Variants in CHST13 observed in about 807,000 individuals in gnomAD.
The protein encoded by CHST13 is carbohydrate sulfotransferase 13, also known as C4ST-3.
A neutral mutation model predicts 7.0 loss-of-function variants in CHST13; 1 was observed. The ratio of observed to expected loss-of-function variants is 0.14; its 90% CI spans 0.05 to 0.68. CHST13 has a LOEUF of 0.68. CHST13 is among the 30% of genes least tolerant of loss of function. CHST13 has a pLI of 0.82. For synonymous variants in CHST13, 257 were observed against 240.9 expected (o/e 1.07, Z -0.62); for missense variants, 572 against 507.9 (o/e 1.13, Z -1.21).
chr3:126,540,017 T>C (rs1391320081), intron 2 of CHST13, among the ~76,000 whole-genome samples: 1 of 123,986 alleles, frequency 8.1e-6, no homozygotes, highest in Non-Finnish European at 1.7e-5. Flanking sequence ...CACACACGCA[T>C]GCCACACACA....
rs113367558 is a variant in CHST13, at chr3:126,530,565, C to T, written c.98-5706C>T. Among the ~76,000 whole-genome samples, 145 of 152,360 alleles carry T rather than the reference C, an allele frequency of 9.5e-4. 1 individual carries two copies. The highest frequency in any genetic ancestry group is 3.4e-3 in the African/African-American group (141 of 41,586). On this transcript the variant is annotated intron_variant, in intron 1 of 2. Transcript: ENST00000319340. ...GGGACACGTCTCATCTGCAACACGG[C>T]GAGAAGGCCTGGCCTCCTCTCATGG...
chr3:126,537,735 C>A (rs1419046657), intron 2 of CHST13, among the ~76,000 whole-genome samples: 1 of 150,794 alleles, frequency 6.6e-6, no homozygotes, highest in Non-Finnish European at 1.5e-5. Context: ...AGGCTTAGCA[C>A]CTTGCGGCTG....
Position 126,542,046 on chromosome 3 carries a change from G to A in CHST13, c.494G>A (p.Arg165His), listed in dbSNP as rs369350672. Residue 165 changes from arginine (R) to histidine (H), a missense_variant, in exon 3 of 3, where the codon CGC (arginine) becomes CAC (histidine). Coordinates refer to ENST00000319340, the MANE Select transcript of CHST13 (RefSeq NM_152889.3). ...FSPAEINRRL[R>H]AYLAFLFVRE... ...CCCGCCGAGATCAACCGGCGCCTGC[G>A]CGCCTACTTGGCCTTCCTGTTCGTG... 5.7e-6 allele frequency: 9 copies of A among 1,575,828 alleles called. No individual in the cohort carries two copies. Among genetic ancestry groups the A allele is most frequent in the Non-Finnish European group, 6.0e-6 (7 of 1,165,496 alleles).
intron 2 of CHST13, among the ~76,000 whole-genome samples, chr3:126,538,937 G>T (rs2107570499): frequency 6.6e-6 from 1 of 152,268 alleles, no homozygotes. Context: ...GTGAAGAGTA[G>T]GTCTCCTTGT....
At position 126,542,513 on chromosome 3, in the gene CHST13, G is replaced by T. The variant is rs766098235; in HGVS notation, c.961G>T (p.Asp321Tyr). The change falls in exon 3 of 3, where the codon GAC becomes TAC. Residue 321 changes from aspartate to tyrosine, a missense_variant. Coordinates refer to ENST00000319340, the MANE Select transcript of CHST13 (RefSeq NM_152889.3). ...CCCCTTCTACCAGCGGCGCCTCTTC[G>T]ACCTCTACAAGATGGACTTCCTGCT... ...ISPFYQRRLF[D>Y]LYKMDFLLFN... The T allele has an allele frequency of 6.4e-7, 1 of 1,566,536 alleles. No individual in the cohort carries two copies. Among genetic ancestry groups the T allele is most frequent in the Non-Finnish European group, 8.6e-7 (1 of 1,162,788 alleles).
chr3:126,538,911 C>T lies in CHST13; in HGVS notation c.180+2558C>T, dbSNP rs138037816. On this transcript the variant is annotated intron_variant, in intron 2 of 2. Coordinates refer to ENST00000319340, the MANE Select transcript of CHST13 (RefSeq NM_152889.3). ...GCACATGACATGGCATTTGACACTACAGAAGGGTAGACACAGTGAAGAGTA... is the reference window on the plus strand; with the variant it reads ...GCACATGACATGGCATTTGACACTATAGAAGGGTAGACACAGTGAAGAGTA... Among the ~76,000 whole-genome samples, 8 of 152,256 alleles carry T rather than the reference C, an allele frequency of 5.3e-5. No homozygotes were observed. In the East Asian group the frequency reaches 1.5e-3, roughly 29 times the overall value.
chr3:126,542,426 C>A lies in CHST13; in HGVS notation c.874C>A (p.Pro292Thr). 1 of 1,553,536 alleles carries A rather than the reference C, an allele frequency of 6.4e-7. No homozygotes were observed. The highest frequency in any genetic ancestry group is 1.9e-5 in the Admixed American group (1 of 51,706). ...GASDLSFPGP[P>T]RPRGAAASRD... ...ATCCGACCTGAGCTTCCCTGGGCCG[C>A]CGCGGCCCCGGGGAGCCGCCGCCTC... The change falls in exon 3 of 3, where the codon CCG (proline) becomes ACG (threonine). Residue 292 changes from proline (P) to threonine (T), a missense_variant. Coordinates refer to ENST00000319340, the MANE Select transcript of CHST13 (RefSeq NM_152889.3).
In CHST13 at chr3:126,542,182, G is replaced by A. The variant is rs1936975866; in HGVS notation, c.630G>A (p.Pro210=). 2.1e-6 allele frequency: 3 copies of A among 1,448,034 alleles called. No individual in the cohort carries two copies. Among genetic ancestry groups the A allele is most frequent in the East Asian group, 2.9e-5 (1 of 34,702 alleles). The allele number at this position is 1,448,034 out of a possible 1,614,324, so 89.7% of individuals were successfully genotyped here. A position where few individuals can be genotyped will look rare whatever the true frequency, so the allele number is the denominator to read the frequency against. Residue 210 remains proline, a synonymous_variant, in exon 3 of 3, where the codon CCG becomes CCA. Coordinates refer to ENST00000319340, the MANE Select transcript of CHST13 (RefSeq NM_152889.3). ...YGARIVQRLR[P]RALPDARARG... ...CACGCATCGTTCAGCGCCTGCGGCC[G>A]CGCGCGCTCCCCGACGCCCGGGCCC...
At chr3:126,535,267 C>G (rs1378783282) in intron 1 of CHST13, among the ~76,000 whole-genome samples, 1 of 149,430 alleles carries the variant, frequency 6.7e-6, no homozygotes, top group East Asian at 2.0e-4. Flanking sequence ...AGACAGACAG[C>G]ATCACTGTCC....
Position 126,524,261 on chromosome 3 carries a change from G to T in CHST13, c.-72G>T, listed in dbSNP as rs1936490545. The T allele has an allele frequency of 8.7e-7, 1 of 1,155,768 alleles. No individual in the cohort carries two copies. The highest frequency in any genetic ancestry group is 1.6e-5 in the African/African-American group (1 of 62,170). The allele number at this position is 1,155,768 out of a possible 1,614,324, so 71.6% of individuals were successfully genotyped here. A position where few individuals can be genotyped will look rare whatever the true frequency, so the allele number is the denominator to read the frequency against. On this transcript the variant is annotated 5_prime_UTR_variant, in exon 1 of 3. Transcript: ENST00000319340. ...GGTAGGCGCTGCGCTGCCGGGGCCG[G>T]GTCCTGGGCCAGTGCAACTCCGCCC... is the stretch of plus-strand genomic sequence containing the variant.
chr3:126,529,310 C>T (rs773600737), intron 1 of CHST13: 8 of 1,288,266 alleles, frequency 6.2e-6, no homozygotes, highest in Non-Finnish European at 8.1e-6. Flanking sequence ...TTGAGCAGCT[C>T]TCTCTGCTCT....
intron 1 of CHST13, among the ~76,000 whole-genome samples, chr3:126,532,230 G>T (rs1477713563): frequency 6.6e-6 from 1 of 152,172 alleles, no homozygotes; most frequent in East Asian, 1.9e-4. Flanking sequence ...TCACCTTCTT[G>T]ATAGTGTGCT....
rs920598336 is a variant in CHST13, at chr3:126,524,233, C to T, written c.-100C>T. Reference sequence around the variant, plus strand: ...CCCTGCCCTGCGCCGCGCCGCGCGTCTTGGTAGGCGCTGCGCTGCCGGGGC... The same window carrying T: ...CCCTGCCCTGCGCCGCGCCGCGCGTTTTGGTAGGCGCTGCGCTGCCGGGGC... On this transcript the variant is annotated 5_prime_UTR_variant, in exon 1 of 3. Transcript: ENST00000319340. 5.1e-6 allele frequency: 5 copies of T among 982,040 alleles called. No individual in the cohort carries two copies. The highest frequency in any genetic ancestry group is 6.5e-6 in the Non-Finnish European group (5 of 771,504). 60.8% of individuals were successfully genotyped at this position (982,040 alleles called of 1,614,324 possible). A position where few individuals can be genotyped will look rare whatever the true frequency, so the allele number is the denominator to read the frequency against.
Position 126,542,810 on chromosome 3 carries a change from C to T in CHST13, c.*232C>T, listed in dbSNP as rs1937000689. The T allele has an allele frequency of 6.4e-6, 3 of 468,460 alleles. No individual in the cohort carries two copies. The East Asian group carries it at 1.2e-4, about 18-fold the overall frequency. 29.0% of individuals were successfully genotyped at this position (468,460 alleles called of 1,614,324 possible). On this transcript the variant is annotated 3_prime_UTR_variant, in exon 3 of 3. Transcript: ENST00000319340. ...CCTGTCGCCTGAGGCCTGCTTCCTC[C>T]ACTTGCTCCAGCTGACAGGCACCTC...
At chr3:126,525,188 G>A (rs1335279090) in intron 1 of CHST13, among the ~76,000 whole-genome samples, 1 of 152,134 alleles carries the variant, frequency 6.6e-6, no homozygotes, top group African/African-American at 2.4e-5. Context: ...TGACCTCAGG[G>A]CTGTTTGCCT....
chr3:126,538,224 G>A (rs991006881), intron 2 of CHST13, among the ~76,000 whole-genome samples: 4 of 152,242 alleles, frequency 2.6e-5, no homozygotes, highest in Admixed American at 2.6e-4. Context: ...GCAGCCCACG[G>A]TTCAGCAGCA....
chr3:126,526,071 C>A (rs1316558024), intron 1 of CHST13, among the ~76,000 whole-genome samples: 1 of 152,212 alleles, frequency 6.6e-6, no homozygotes, highest in African/African-American at 2.4e-5. Flanking sequence ...CTCTCTGTTT[C>A]TGTCAAGCGC....
Position 126,542,319 on chromosome 3 carries a change from C to G in CHST13, c.767C>G (p.Pro256Arg), listed in dbSNP as rs370535687. 23 of 1,568,850 alleles carry G rather than the reference C, an allele frequency of 1.5e-5. No individual in the cohort carries two copies. The highest frequency in any genetic ancestry group is 2.0e-5 in the Non-Finnish European group (23 of 1,160,682). The change falls in exon 3 of 3, where the codon CCG (proline) becomes CGG (arginine). Residue 256 changes from proline to arginine, a missense_variant. Transcript: ENST00000319340. The part of the protein sequence containing the change: ...HWERAHALCH[P>R]CRLRYDVVGK... The stretch of plus-strand genomic sequence containing the variant: ...GAGCGCGCGCACGCGCTCTGCCACC[C>G]GTGTCGCCTCCGCTACGACGTCGTG...
At chr3:126,539,701 A>C (rs1162491989) in intron 2 of CHST13, among the ~76,000 whole-genome samples, 3 of 106,886 alleles carry the variant, frequency 2.8e-5, no homozygotes, top group Admixed American at 9.6e-5. Context: ...CACACACACC[A>C]CACACATATG....
Sources: gnomAD v4.1 joint callset for allele counts (sites outside exome capture counted in the v4.1 genomes callset) on GRCh38, gnomAD v4.1.1 for gene constraint, MANE v1.5 for transcripts, NCBI Gene and HGNC (gene_info 2026-07-23, HGNC 2026-07-21) for gene names.